The following HMCN1 variants were observed in gnomAD, a reference collection of about 807,000 sequenced individuals.
HMCN1 encodes the protein hemicentin-1.
Under a neutral mutation model 625.9 loss-of-function variants are expected in HMCN1, and 321 were observed. The ratio of observed to expected loss-of-function variants is 0.51; its 90% CI spans 0.47 to 0.56. HMCN1 has a LOEUF of 0.56. Ranked by LOEUF, HMCN1 falls within the 20% of genes least tolerant of loss-of-function variation. The pLI is 0.00. For synonymous variants in HMCN1, 2,425 were observed against 2,417.6 expected (o/e 1.00, Z -0.09); for missense variants, 6,588 against 6,887.3 (o/e 0.96, Z 1.54).
intron 56 of HMCN1, among the ~76,000 whole-genome samples, chr1:186,082,582 A>G (rs1268485202): frequency 1.3e-5 from 2 of 152,186 alleles, no homozygotes; most frequent in Non-Finnish European, 1.5e-5. Context: ...CAAAGTCACA[A>G]TGCCAGAGGC....
Position 186,123,028 on chromosome 1 carries a change from G to A in HMCN1, c.12307G>A (p.Asp4103Asn). 1 of 1,614,118 alleles carries A rather than the reference G, an allele frequency of 6.2e-7. No individual in the cohort carries two copies. The highest frequency in any genetic ancestry group is 1.1e-5 in the South Asian group (1 of 91,078). ...DKPITLSCEA[D>N]GLPPPDITWH... ...GCCCATCACGTTATCCTGTGAAGCA[G>A]ATGGCCTCCCTCCGCCTGACATTAC... The change falls in exon 81 of 107, where the codon GAT (aspartate) becomes AAT (asparagine). Residue 4103 changes from aspartate to asparagine, a missense_variant. Around this residue, in one of 3 missense-constraint regions of HMCN1, gnomAD observed 1,954 missense variants for 2,013.1 expected, o/e 0.97. Coordinates refer to ENST00000271588, the MANE Select transcript of HMCN1 (RefSeq NM_031935.3).
intron 106 of HMCN1, 150 bp from the exon 107 acceptor site, chr1:186,189,362 A>T: frequency 1.3e-6 from 1 of 748,156 alleles, no homozygotes. Context: ...TGAGTTAGTG[A>T]CACAGAAGAC....
intron 1 of HMCN1, among the ~76,000 whole-genome samples, chr1:185,748,364 T>TTGGAATGTCCCCTATG (rs1354548362): frequency 6.6e-6 from 1 of 152,124 alleles, no homozygotes; most frequent in Non-Finnish European, 1.5e-5. Flanking sequence ...ACACCCTATG[T>TTGGAATGTCCCCTATG]TGGAATGTCC....
rs747645384 is a variant in HMCN1 at position 186,137,809 on chromosome 1, T to C, written c.13761T>C (p.Gly4587=). 12 of 1,613,978 alleles carry C rather than the reference T, an allele frequency of 7.4e-6. No homozygotes were observed. Among genetic ancestry groups the C allele is most frequent in the South Asian group, 1.1e-5 (1 of 91,084 alleles). The change falls in exon 89 of 107, where the codon GGT becomes GGC. Residue 4587 remains glycine, a synonymous_variant. Coordinates refer to ENST00000271588, the MANE Select transcript of HMCN1 (RefSeq NM_031935.3). ...NCQNKPCPVD[G]SWSEWSLWEE... ...TGGTTCACCTTTGTATAGTGGATGG[T>C]AGCTGGTCGGAATGGAGTCTTTGGG...
At position 186,151,197 on chromosome 1, in the gene HMCN1, T is replaced by G; in HGVS notation, c.14609-3T>G. ...CCAGGAATGTTTTTTTTTCCCCCAA[T>G]AGGTGGGCCCCAGCGAGCCAGAGGA... On this transcript the variant is annotated splice_polypyrimidine_tract_variant and splice_region_variant and intron_variant, in intron 93 of 106. Transcript: ENST00000271588. 6.2e-7 allele frequency: 1 copy of G among 1,613,492 alleles called. No individual in the cohort carries two copies. Among genetic ancestry groups the G allele is most frequent in the African/African-American group, 1.3e-5 (1 of 74,972 alleles).
At chr1:185,779,779 G>C (rs1055703033) in intron 1 of HMCN1, among the ~76,000 whole-genome samples, 2 of 152,186 alleles carry the variant, frequency 1.3e-5, no homozygotes, top group Non-Finnish European at 2.9e-5. Context: ...GTCAGGTAGT[G>C]TGATGCCTCC....
At chr1:186,153,014 G>T in intron 96 of HMCN1, 143 bp downstream of exon 96, 1 of 1,178,228 alleles carries the variant, frequency 8.5e-7, no homozygotes, top group East Asian at 2.5e-5. Context: ...TCTGATCTTT[G>T]TTTAAAAATC....
intron 4 of HMCN1, among the ~76,000 whole-genome samples, chr1:185,905,134 GA>G (rs2102442012): frequency 6.6e-6 from 1 of 151,912 alleles, no homozygotes; most frequent in East Asian, 1.9e-4. Flanking sequence ...TCAGTGCTGA[GA>G]AAGGACTGTG....
chr1:186,128,206 A>T lies in HMCN1; in HGVS notation c.12819A>T (p.Lys4273Asn). Residue 4273 changes from lysine (K) to asparagine (N), a missense_variant, in exon 83 of 107, where the codon AAA (lysine) becomes AAT (asparagine). Lys to Asn is a moderately conservative substitution (Grantham distance 94). Coordinates refer to ENST00000271588, the MANE Select transcript of HMCN1 (RefSeq NM_031935.3). Reference sequence around the variant, plus strand: ...TTCCTGGAGACGTGTCATTAAATAAAGGAGAACAGCTACGATTAAGCTGTA... The same window carrying T: ...TTCCTGGAGACGTGTCATTAAATAATGGAGAACAGCTACGATTAAGCTGTA... ...TELPGDVSLN[K>N]GEQLRLSCKA... The T allele has an allele frequency of 1.2e-6, 2 of 1,613,704 alleles. No individual in the cohort carries two copies. The highest frequency in any genetic ancestry group is 1.7e-6 in the Non-Finnish European group (2 of 1,179,742).
chr1:185,901,641 G>C (rs1665814348), intron 4 of HMCN1, among the ~76,000 whole-genome samples: 1 of 151,926 alleles, frequency 6.6e-6, no homozygotes, highest in Non-Finnish European at 1.5e-5. Context: ...CAATGATCCA[G>C]TTATGCTTTA....
intron 1 of HMCN1, among the ~76,000 whole-genome samples, chr1:185,838,662 T>G (rs905264066): frequency 6.6e-6 from 1 of 151,912 alleles, no homozygotes; most frequent in Admixed American, 6.6e-5. Flanking sequence ...AGAAAAAAAA[T>G]ATTTCCCTAC....
intron 28 of HMCN1, among the ~76,000 whole-genome samples, chr1:186,002,037 C>A (rs1398704124): frequency 6.6e-6 from 1 of 152,058 alleles, no homozygotes; most frequent in Non-Finnish European, 1.5e-5. Context: ...TTGTCAATTT[C>A]TCCAGTTAAG....
intron 89 of HMCN1, among the ~76,000 whole-genome samples, chr1:186,138,230 C>T (rs1055183728): frequency 6.6e-6 from 1 of 152,014 alleles, no homozygotes; most frequent in African/African-American, 2.4e-5. Flanking sequence ...TTCTCAATCA[C>T]GTAAAGAAAA....
intron 96 of HMCN1, 68 bp from the exon 97 acceptor site, chr1:186,153,682 T>G: frequency 3.2e-6 from 4 of 1,260,522 alleles, no homozygotes; most frequent in Non-Finnish European, 4.7e-6. Flanking sequence ...CTGCATTTCA[T>G]AGTCCCCTTA....
At chr1:185,944,740 C>T (rs147341888) in intron 11 of HMCN1, among the ~76,000 whole-genome samples, 1 of 152,278 alleles carries the variant, frequency 6.6e-6, no homozygotes, top group African/African-American at 2.4e-5. Context: ...GATGACTAGA[C>T]AGTATACTCC....
At chr1:185,955,211 G>C (rs896995090) in intron 11 of HMCN1, among the ~76,000 whole-genome samples, 3 of 152,042 alleles carry the variant, frequency 2.0e-5, no homozygotes, top group African/African-American at 7.2e-5. Context: ...GGGCAACCGA[G>C]TGAATTTTCC....
At chr1:186,147,405 T>TC (rs1650383943) in intron 93 of HMCN1, among the ~76,000 whole-genome samples, 1 of 150,886 alleles carries the variant, frequency 6.6e-6, no homozygotes, top group African/African-American at 2.5e-5. Flanking sequence ...TTTTTTTTTT[T>TC]TCTCACCATT....
At chr1:186,140,074 G>T (rs1268373321) in intron 89 of HMCN1, among the ~76,000 whole-genome samples, 2 of 152,072 alleles carry the variant, frequency 1.3e-5, no homozygotes, top group Admixed American at 1.3e-4. Flanking sequence ...CCTGAAACAA[G>T]GACATTCTCT....
At chr1:185,957,058 G>C (rs988055966) in intron 11 of HMCN1, 1 of 152,096 alleles carries the variant, frequency 6.6e-6, no homozygotes, top group African/African-American at 2.4e-5. Flanking sequence ...AGGGAAGTCT[G>C]GGTCATTACC....
Sources: gnomAD v4.1 joint callset for allele counts (sites outside exome capture counted in the v4.1 genomes callset) on GRCh38, gnomAD v4.1.1 for gene constraint, gnomAD v4.1.1 regional missense constraint, MANE v1.5 for transcripts, NCBI Gene and HGNC (gene_info 2026-07-23, HGNC 2026-07-21) for gene names.